Variants in PXDN observed in about 807,000 individuals in gnomAD.
PXDN encodes peroxidasin homolog.
A neutral mutation model predicts 140.3 loss-of-function variants in PXDN; 77 were observed. That is an observed-to-expected ratio of 0.55 (90% confidence interval 0.46 to 0.66). The LOEUF is 0.66. PXDN is among the 30% of genes least tolerant of loss of function. PXDN has a pLI of 0.00. For missense variants in PXDN, 1,838 were observed against 2,039.5 expected (o/e 0.90, Z 1.90); for synonymous variants, 911 against 857.4 (o/e 1.06, Z -1.09).
chr2:1,738,759 T>C (rs1213160422), intron 1 of PXDN, among the ~76,000 whole-genome samples: 1 of 152,108 alleles, frequency 6.6e-6, no homozygotes, highest in African/African-American at 2.4e-5. Flanking sequence ...TAGCTCAGGC[T>C]GGCCTTCGAA....
chr2:1,689,783 TC>T (rs1684145298), intron 3 of PXDN, among the ~76,000 whole-genome samples: 1 of 120,180 alleles, frequency 8.3e-6, no homozygotes. Context: ...AAACTCCACC[TC>T]AAAAAAAAAA....
At chr2:1,690,026 A>G (rs934476787) in intron 3 of PXDN, among the ~76,000 whole-genome samples, 1 of 152,238 alleles carries the variant, frequency 6.6e-6, no homozygotes, top group Non-Finnish European at 1.5e-5. Context: ...AATAATGAAT[A>G]AATTTCAGGA....
chr2:1,670,787 C>T (rs867545926), intron 9 of PXDN, among the ~76,000 whole-genome samples: 5 of 152,180 alleles, frequency 3.3e-5, no homozygotes, highest in African/African-American at 1.2e-4. Flanking sequence ...GAAAACTGAA[C>T]AGCAGCTGCA....
chr2:1,675,751 G>A (rs934634710), intron 8 of PXDN, among the ~76,000 whole-genome samples: 1 of 148,326 alleles, frequency 6.7e-6, no homozygotes, highest in Non-Finnish European at 1.5e-5. Context: ...GTTTGCCTCT[G>A]GAGTCTGGAA....
At chr2:1,643,612 G>A (rs1207460148) in intron 18 of PXDN, 36 bp from the exon 19 acceptor site, 1 of 1,606,702 alleles carries the variant, frequency 6.2e-7, no homozygotes, top group Non-Finnish European at 8.5e-7. Flanking sequence ...ATCAGAGAAG[G>A]GCAGGAGACT....
rs1287216587 is a variant in PXDN at position 1,639,859 on chromosome 2, G to T, written c.3953-437C>A. 4.6e-5 allele frequency among the ~76,000 whole-genome samples: 7 copies of T among 152,220 alleles called. No homozygotes were observed. Among genetic ancestry groups the T allele is most frequent in the Admixed American group, 3.9e-4 (6 of 15,288 alleles). On this transcript the variant is annotated intron_variant, in intron 19 of 22. Coordinates refer to ENST00000252804, the MANE Select transcript of PXDN (RefSeq NM_012293.3). The surrounding 1 kb of genome is among the most constrained non-coding windows in gnomAD (Gnocchi z 5.0). ...TATGCTACACTCCCTACGTCACACT[G>T]CCAGCCCCAGTGTCAGACAAGAGGC... is the stretch of plus-strand genomic sequence containing the variant.
rs558163499 is a variant in PXDN, at chr2:1,649,211, A to AG, written c.2568dup (p.Cys857LeufsTer10). 22 of 1,510,576 alleles carry AG rather than the reference A, an allele frequency of 1.5e-5. No individual in the cohort carries two copies. Among genetic ancestry groups the AG allele is most frequent in the Non-Finnish European group, 1.6e-5 (18 of 1,114,844 alleles). 93.6% of individuals were successfully genotyped at this position (1,510,576 alleles called of 1,614,324 possible). On this transcript the variant is annotated frameshift_variant, in exon 17 of 23. Coordinates refer to ENST00000252804, the MANE Select transcript of PXDN (RefSeq NM_012293.3). LOFTEE classifies it high-confidence loss of function. The surrounding 1 kb of genome is among the most constrained non-coding windows in gnomAD (Gnocchi z 7.1). ...TTGGGGGGGATCATGACAGAGAAGC[A>AG]GGGGGGGTCGTTGCTGCACACGTTG...
Position 1,643,585 on chromosome 2 carries a change from C to T in PXDN, c.3744-9G>A. On this transcript the variant is annotated splice_polypyrimidine_tract_variant and intron_variant, in intron 18 of 22. Transcript: ENST00000252804. Reference sequence around the variant, plus strand: ...GGTTCTCATACCACAACCTGGATCCCCCAAAATGAAAGCAGGATCAGAGAA... The same window carrying T: ...GGTTCTCATACCACAACCTGGATCCTCCAAAATGAAAGCAGGATCAGAGAA... 1 of 1,613,184 alleles carries T rather than the reference C, an allele frequency of 6.2e-7. No homozygotes were observed.
At chr2:1,740,393 G>A (rs1030012976) in intron 1 of PXDN, among the ~76,000 whole-genome samples, 1 of 152,144 alleles carries the variant, frequency 6.6e-6, no homozygotes, top group Non-Finnish European at 1.5e-5. Flanking sequence ...CTCAGGCGAC[G>A]CAGTCTCCTA....
chr2:1,711,546 C>T (rs1276003007), intron 1 of PXDN, among the ~76,000 whole-genome samples: 2 of 135,896 alleles, frequency 1.5e-5, no homozygotes, highest in Admixed American at 7.4e-5. Context: ...TCCACCAGCA[C>T]CCACTCTCCA....
chr2:1,680,587 G>C (rs1184852716), intron 6 of PXDN, among the ~76,000 whole-genome samples: 3 of 152,198 alleles, frequency 2.0e-5, no homozygotes. Context: ...GGGGTGCACA[G>C]TGCCCCTCAA....
In PXDN at chr2:1,672,828, A is replaced by G. The variant is rs1041668212; in HGVS notation, c.1018+815T>C. Among the ~76,000 whole-genome samples, 6 of 152,256 alleles carry G rather than the reference A, an allele frequency of 3.9e-5. 1 individual carries two copies. Among genetic ancestry groups the G allele is most frequent in the African/African-American group, 1.2e-4 (5 of 41,470 alleles). On this transcript the variant is annotated intron_variant, in intron 9 of 22. Coordinates refer to ENST00000252804, the MANE Select transcript of PXDN (RefSeq NM_012293.3). ...CTGAAATACAAAATACCAGGGAAGC[A>G]GCAACCCTGGCATGATTTGTGGCTG...
Position 1,649,400 on chromosome 2 carries a change from T to A in PXDN, c.2380A>T (p.Met794Leu), listed in dbSNP as rs762801227. The A allele has an allele frequency of 1.2e-6, 2 of 1,613,808 alleles. No homozygotes were observed. The highest frequency in any genetic ancestry group is 2.2e-5 in the South Asian group (2 of 91,072). Reference sequence around the variant, plus strand: ...AGGGTGGTGGACACCAGGCGCGGCATGGGAAGGGCGTGCCCGTTGTACAGT... The same window carrying A: ...AGGGTGGTGGACACCAGGCGCGGCAAGGGAAGGGCGTGCCCGTTGTACAGT... Reference protein sequence around the residue: ...HRLYNGHALPMPRLVSTTLIG... With the variant: ...HRLYNGHALPLPRLVSTTLIG... The change falls in exon 17 of 23, where the codon ATG (methionine) becomes TTG (leucine). Residue 794 changes from methionine (M) to leucine (L), a missense_variant. Met to Leu is a conservative substitution (Grantham distance 15). Coordinates refer to ENST00000252804, the MANE Select transcript of PXDN (RefSeq NM_012293.3). This position sits in a 1 kb window ranked among gnomAD's most constrained non-coding sequence, Gnocchi z 7.1.
intron 14 of PXDN, among the ~76,000 whole-genome samples, chr2:1,655,885 ACACT>A (rs1036231963): frequency 6.6e-6 from 1 of 151,514 alleles, no homozygotes; most frequent in Non-Finnish European, 1.5e-5. Context: ...CCATCACACT[ACACT>A]CAGATACACA....
At chr2:1,675,014 C>T (rs568437052) in intron 8 of PXDN, among the ~76,000 whole-genome samples, 3 of 151,748 alleles carry the variant, frequency 2.0e-5, no homozygotes, top group Non-Finnish European at 4.4e-5. Context: ...ACTCGAAAGA[C>T]CAACGCCCAC....
intron 1 of PXDN, among the ~76,000 whole-genome samples, chr2:1,708,457 G>C (rs1270916375): frequency 6.6e-6 from 1 of 152,126 alleles, no homozygotes; most frequent in African/African-American, 2.4e-5. Flanking sequence ...TCCGCCCTTC[G>C]CAGGAAGCCT....
intron 1 of PXDN, among the ~76,000 whole-genome samples, chr2:1,698,042 C>A (rs1366382855): frequency 6.6e-6 from 1 of 152,134 alleles, no homozygotes; most frequent in African/African-American, 2.4e-5. Context: ...AAGGCCAAAG[C>A]CCCAGGAGAC....
rs757610045 is a variant in PXDN at position 1,651,801 on chromosome 2, C to T, written c.2104+1827G>A. ...CTGCTGTTTCTCTCTGGGTCACTCGCTGGGGCTTCTTATGTGCAGGGGCCT... is the reference window on the plus strand; with the variant it reads ...CTGCTGTTTCTCTCTGGGTCACTCGTTGGGGCTTCTTATGTGCAGGGGCCT... On this transcript the variant is annotated intron_variant, in intron 16 of 22. Transcript: ENST00000252804. This position sits in a 1 kb window ranked among gnomAD's most constrained non-coding sequence, Gnocchi z 4.4. 1.3e-5 allele frequency among the ~76,000 whole-genome samples: 2 copies of T among 152,246 alleles called. No individual in the cohort carries two copies. Among genetic ancestry groups the T allele is most frequent in the Non-Finnish European group, 2.9e-5 (2 of 68,046 alleles).
At position 1,648,413 on chromosome 2, in the gene PXDN, C is replaced by T. The variant is rs1186843770; in HGVS notation, c.3367G>A (p.Gly1123Arg). The stretch of plus-strand genomic sequence containing the variant: ...GGCACACGCATTTTCCCCGCCACCC[C>T]GAACAGCCCCCTGAGAAGCGGATCG... The part of the protein sequence containing the change: ...GIDPLLRGLF[G>R]VAGKMRVPSQ... Residue 1123 changes from glycine to arginine, a missense_variant, in exon 17 of 23, where the codon GGG (glycine) becomes AGG (arginine). This residue lies in a region of PXDN where 850 missense variants were observed against 894.1 expected (regional missense o/e 0.95). Coordinates refer to ENST00000252804, the MANE Select transcript of PXDN (RefSeq NM_012293.3). This position sits in a 1 kb window ranked among gnomAD's most constrained non-coding sequence, Gnocchi z 8.9. 10 of 1,611,810 alleles carry T rather than the reference C, an allele frequency of 6.2e-6. No individual in the cohort carries two copies. The highest frequency in any genetic ancestry group is 4.5e-5 in the East Asian group (2 of 44,856).
Sources: allele counts gnomAD v4.1 joint callset (sites outside exome capture counted in the v4.1 genomes callset), GRCh38; gene constraint gnomAD v4.1.1; regional missense constraint gnomAD v4.1.1; non-coding constraint Gnocchi (gnomAD v3.1); transcripts MANE v1.5; gene names NCBI Gene and HGNC (gene_info 2026-07-23, HGNC 2026-07-21).